The following ZBTB16 variants were observed in gnomAD, a reference collection of about 807,000 sequenced individuals.
ZBTB16 encodes zinc finger and BTB domain containing 16, also known as zinc finger and BTB domain-containing protein 16.
A neutral mutation model predicts 56.8 loss-of-function variants in ZBTB16; 8 were observed. That is an observed-to-expected ratio of 0.14 (90% CI 0.08 to 0.25). The LOEUF is 0.25. Among genes scored for constraint, ZBTB16 ranks in the 10% least tolerant of loss-of-function variants. The pLI is 1.00. For synonymous variants in ZBTB16, 363 were observed against 368.5 expected (o/e 0.98, Z 0.17); for missense variants, 625 against 903.0 (o/e 0.69, Z 3.95).
At chr11:114,132,772 T>C (rs1051687511) in intron 2 of ZBTB16, among the ~76,000 whole-genome samples, 3 of 152,158 alleles carry the variant, frequency 2.0e-5, no homozygotes, top group African/African-American at 7.2e-5. Context: ...AGAGCTGTTA[T>C]CACGGATTAC....
chr11:114,193,678 C>G (rs1012203066), intron 4 of ZBTB16, among the ~76,000 whole-genome samples: 2 of 152,022 alleles, frequency 1.3e-5, no homozygotes, highest in African/African-American at 4.8e-5. Context: ...ACAGGGAGCG[C>G]TGAAAATGTC....
chr11:114,123,552 TAGAG>T (rs1272720712), intron 2 of ZBTB16, among the ~76,000 whole-genome samples: 1 of 152,128 alleles, frequency 6.6e-6, no homozygotes, highest in Non-Finnish European at 1.5e-5. Flanking sequence ...TGTATGTAAT[TAGAG>T]AGGACTTTCT....
chr11:114,245,229 A>G (rs926243199), intron 5 of ZBTB16, among the ~76,000 whole-genome samples: 9 of 152,116 alleles, frequency 5.9e-5, no homozygotes, highest in African/African-American at 1.2e-4. Flanking sequence ...GCAGGTAGCA[A>G]TTTCCCCAAC....
intron 2 of ZBTB16, among the ~76,000 whole-genome samples, chr11:114,146,779 G>T (rs889208006): frequency 4.6e-5 from 7 of 150,828 alleles, no homozygotes; most frequent in African/African-American, 1.5e-4. Flanking sequence ...AACCTGGGAG[G>T]CAGAGGTTGC....
chr11:114,105,470 T>C (rs1410962760), intron 2 of ZBTB16, among the ~76,000 whole-genome samples: 1 of 152,082 alleles, frequency 6.6e-6, no homozygotes, highest in Non-Finnish European at 1.5e-5. Context: ...AAACTCCTGA[T>C]CTCAGGTGAT....
rs540966924 is a variant in ZBTB16, at chr11:114,157,983, CT to C, written c.1366+1550del. ...CTTCCAGGCATTTCTGCGTCCGGAT[CT>C]GCTTGACACTCACGTACACTTTTTC... On this transcript the variant is annotated intron_variant, in intron 3 of 6. Coordinates refer to ENST00000335953, the MANE Select transcript of ZBTB16 (RefSeq NM_006006.6). Among the ~76,000 whole-genome samples, 1,139 of 152,184 alleles carry C rather than the reference CT, an allele frequency of 7.5e-3. 16 individuals carry two copies. Among genetic ancestry groups the C allele is most frequent in the South Asian group, 0.03 (145 of 4,824 alleles).
intron 4 of ZBTB16, among the ~76,000 whole-genome samples, chr11:114,233,059 A>C (rs1944475645): frequency 8.8e-6 from 1 of 113,448 alleles, no homozygotes. Context: ...TCTACTGCAC[A>C]TACGCATGCG....
At chr11:114,225,527 C>T (rs1330994587) in intron 4 of ZBTB16, among the ~76,000 whole-genome samples, 1 of 152,086 alleles carries the variant, frequency 6.6e-6, no homozygotes, top group South Asian at 2.1e-4. Context: ...TGGTGGAAGG[C>T]GAGAGGGCAA....
intron 2 of ZBTB16, among the ~76,000 whole-genome samples, chr11:114,089,760 G>C (rs1369488017): frequency 6.6e-6 from 1 of 152,222 alleles, no homozygotes; most frequent in East Asian, 1.9e-4. Context: ...ATTCTCTGCA[G>C]AATTTGTGAA....
intron 4 of ZBTB16, chr11:114,210,102 T>C: frequency 3.6e-6 from 1 of 276,188 alleles, no homozygotes; most frequent in Non-Finnish European, 5.5e-6. Context: ...TACTCTGCAC[T>C]CTGTGAAACA....
chr11:114,187,148 T>C, intron 4 of ZBTB16, 110 bp downstream of exon 4: 1 of 1,051,110 alleles, frequency 9.5e-7, no homozygotes, highest in Non-Finnish European at 1.5e-6. Flanking sequence ...ATCCAGTAAT[T>C]TCCTGGGCGA....
rs1429152464 is a variant in ZBTB16, at chr11:114,113,134, C to G, written c.1269-43203C>G. On this transcript the variant is annotated intron_variant, in intron 2 of 6. Coordinates refer to ENST00000335953, the MANE Select transcript of ZBTB16 (RefSeq NM_006006.6). ...GCTTTCTGGCTTATGGAAGATACAT[C>G]TCTGCATGTCTAATCTTTCTTAGAG... 1.3e-4 allele frequency among the ~76,000 whole-genome samples: 20 copies of G among 152,318 alleles called. 1 individual carries two copies. The South Asian group carries it at 3.9e-3, about 30-fold the overall frequency.
At chr11:114,072,941 A>T (rs1352779925) in intron 2 of ZBTB16, among the ~76,000 whole-genome samples, 1 of 150,718 alleles carries the variant, frequency 6.6e-6, no homozygotes, top group Non-Finnish European at 1.5e-5. Flanking sequence ...AGTCCCAGCT[A>T]CTCGGGAGGC....
intron 3 of ZBTB16, among the ~76,000 whole-genome samples, chr11:114,183,186 T>C (rs1437735650): frequency 6.6e-6 from 1 of 152,116 alleles, no homozygotes; most frequent in African/African-American, 2.4e-5. Flanking sequence ...CTGACGTTTG[T>C]GTTATCCACG....
At chr11:114,125,611 G>A (rs775151973) in intron 2 of ZBTB16, among the ~76,000 whole-genome samples, 24 of 151,870 alleles carry the variant, frequency 1.6e-4, no homozygotes, top group Non-Finnish European at 3.1e-4. Context: ...GCCTTCACAA[G>A]GAGGAGATGG....
rs142709090 is a variant in ZBTB16 at position 114,064,372 on chromosome 11, G to T, written c.1072G>T (p.Val358Leu). The T allele has an allele frequency of 6.2e-7, 1 of 1,613,918 alleles. No homozygotes were observed. Among genetic ancestry groups the T allele is most frequent in the African/African-American group, 1.3e-5 (1 of 74,930 alleles). The change falls in exon 2 of 7, where the codon GTG becomes TTG. Residue 358 changes from valine (V) to leucine (L), a missense_variant. Transcript: ENST00000335953. This position sits in a 1 kb window ranked among gnomAD's most constrained non-coding sequence, Gnocchi z 4.2. Reference protein sequence around the residue: ...MPSSVTSGLHVQPALAVSMDF... With the variant: ...MPSSVTSGLHLQPALAVSMDF... ...GTCTTCCGTGACCTCTGGCCTCCAC[G>T]TGCAGCCTGCCCTGGCTGTCTCCAT...
intron 3 of ZBTB16, among the ~76,000 whole-genome samples, chr11:114,185,174 A>C (rs887525967): frequency 6.6e-6 from 1 of 152,122 alleles, no homozygotes; most frequent in African/African-American, 2.4e-5. Flanking sequence ...GCACCACTGT[A>C]CTCCAGCCTT....
At chr11:114,103,085 C>A (rs1252282731) in intron 2 of ZBTB16, among the ~76,000 whole-genome samples, 1 of 152,214 alleles carries the variant, frequency 6.6e-6, no homozygotes, top group Non-Finnish European at 1.5e-5. Flanking sequence ...AATGGCACTT[C>A]ATTGCATTGA....
chr11:114,070,178 G>A (rs918128045), intron 2 of ZBTB16, among the ~76,000 whole-genome samples: 7 of 140,424 alleles, frequency 5.0e-5, no homozygotes, highest in South Asian at 2.3e-4. Context: ...GCGCAATCTC[G>A]GCTCACTGCA....
Sources: allele counts gnomAD v4.1 joint callset (sites outside exome capture counted in the v4.1 genomes callset), GRCh38; gene constraint gnomAD v4.1.1; non-coding constraint Gnocchi (gnomAD v3.1); transcripts MANE v1.5; gene names NCBI Gene and HGNC (gene_info 2026-07-23, HGNC 2026-07-21).